Variants in EVC2 observed in about 807,000 individuals in gnomAD.
EVC2 encodes the protein EvC ciliary complex subunit 2.
EVC2 carries 148 observed loss-of-function variants against 149.3 expected under a neutral mutation model. The observed-to-expected ratio is 0.99, with a 90% CI of 0.87 to 1.14. The LOEUF is 1.14. EVC2 is among the 50% of genes most tolerant of loss of function. The pLI is 0.00. For synonymous variants in EVC2, 776 were observed against 649.9 expected (o/e 1.19, Z -2.95); for missense variants, 1,854 against 1,627.3 (o/e 1.14, Z -2.40).
intron 9 of EVC2, among the ~76,000 whole-genome samples, chr4:5,647,786 T>G (rs879942504): frequency 2.0e-5 from 3 of 152,224 alleles, no homozygotes; most frequent in Admixed American, 6.5e-5. Flanking sequence ...AAAGGGGAAT[T>G]AAGGCTACTC....
intron 16 of EVC2, among the ~76,000 whole-genome samples, chr4:5,612,922 CAAAAAAAAAA>C (rs34505528): frequency 3.0e-4 from 8 of 26,798 alleles, no homozygotes; most frequent in African/African-American, 9.7e-4. Flanking sequence ...ACTCTGTCTC[CAAAAAAAAAA>C]AAAAAAAAAA....
Position 5,633,941 on chromosome 4 carries a change from C to G in EVC2, c.1471-1909G>C, listed in dbSNP as rs377634291. Among the ~76,000 whole-genome samples, 1 of 152,212 alleles carries G rather than the reference C, an allele frequency of 6.6e-6. No homozygotes were observed. The highest frequency in any genetic ancestry group is 6.5e-5 in the Admixed American group (1 of 15,278). ...TTCTCCGTCTCTCCAGTCCCTTTTA[C>G]TTATTGTTTGATTTGTTCAGAATCT... On this transcript the variant is annotated intron_variant, in intron 10 of 21. Transcript: ENST00000344408. This position sits in a 1 kb window ranked among gnomAD's most constrained non-coding sequence, Gnocchi z 4.4.
chr4:5,708,435 C>G lies in EVC2; in HGVS notation c.79G>C (p.Gly27Arg), dbSNP rs1238555308. Residue 27 changes from glycine (G) to arginine (R), a missense_variant, in exon 1 of 22, where the codon GGC becomes CGC. By Grantham distance (125) the Gly-to-Arg change is moderately radical (BLOSUM62 -2). Coordinates refer to ENST00000344408, the MANE Select transcript of EVC2 (RefSeq NM_147127.5). ...GLLAVALALG[G>R]RGCLGASSRP... ...GAGCTGGCGCCGAGACAGCCTCGGC[C>G]CCCCAGCGCCAGGGCCACTGCCAGG... 5 of 1,504,470 alleles carry G rather than the reference C, an allele frequency of 3.3e-6. No individual in the cohort carries two copies. Among genetic ancestry groups the G allele is most frequent in the Non-Finnish European group, 4.4e-6 (5 of 1,134,224 alleles). The allele number at this position is 1,504,470 out of a possible 1,614,324, so 93.2% of individuals were successfully genotyped here.
At chr4:5,707,811 T>G (rs1275380783) in intron 1 of EVC2, among the ~76,000 whole-genome samples, 1 of 152,030 alleles carries the variant, frequency 6.6e-6, no homozygotes, top group East Asian at 1.9e-4. Flanking sequence ...GCTAAATCCA[T>G]CAGCCAGGAG....
At chr4:5,659,010 C>A (rs1718712252) in intron 9 of EVC2, among the ~76,000 whole-genome samples, 1 of 152,128 alleles carries the variant, frequency 6.6e-6, no homozygotes, top group Admixed American at 6.5e-5. Context: ...TGATAAAAAT[C>A]AAAGGAAATA....
intron 12 of EVC2, among the ~76,000 whole-genome samples, chr4:5,627,330 A>G (rs1045285435): frequency 6.6e-6 from 1 of 152,260 alleles, no homozygotes; most frequent in African/African-American, 2.4e-5. Context: ...ACTGCTCACA[A>G]CCAGCTGGTG....
Position 5,618,684 on chromosome 4 carries a change from T to C in EVC2, c.2502-2A>G. 2 of 1,588,686 alleles carry C rather than the reference T, an allele frequency of 1.3e-6. No homozygotes were observed. Among genetic ancestry groups the C allele is most frequent in the South Asian group, 1.1e-5 (1 of 87,356 alleles). ...GAGAAGACTGAGGAGCAGAGCTTCCTGGGAGGAAGAACAGAGACACACTCT... is the reference window on the plus strand; with the variant it reads ...GAGAAGACTGAGGAGCAGAGCTTCCCGGGAGGAAGAACAGAGACACACTCT... On this transcript the variant is annotated splice_acceptor_variant, in intron 14 of 21. Transcript: ENST00000344408. LOFTEE classifies it high-confidence loss of function. The surrounding 1 kb of genome is among the most constrained non-coding windows in gnomAD (Gnocchi z 4.4).
Position 5,625,304 on chromosome 4 carries a change from CCATA to C in EVC2, c.2046+441_2046+444del, listed in dbSNP as rs1304331131. ...CCACTTACTAGATATTTGACCTTGA[CCATA>C]CACACACACACACACACACACACAC... On this transcript the variant is annotated intron_variant, in intron 13 of 21. Coordinates refer to ENST00000344408, the MANE Select transcript of EVC2 (RefSeq NM_147127.5). The surrounding 1 kb of genome is among the most constrained non-coding windows in gnomAD (Gnocchi z 4.0). 2.4e-5 allele frequency among the ~76,000 whole-genome samples: 3 copies of C among 125,512 alleles called. No homozygotes were observed. Among genetic ancestry groups the C allele is most frequent in the Admixed American group, 8.3e-5 (1 of 12,014 alleles). 82.3% of individuals were successfully genotyped at this position (125,512 alleles called of 152,430 possible).
rs553982158 is a variant in EVC2, at chr4:5,671,615, G to A, written c.871-5966C>T. Among the ~76,000 whole-genome samples, 112 of 152,262 alleles carry A rather than the reference G, an allele frequency of 7.4e-4. 1 individual carries two copies. The highest frequency in any genetic ancestry group is 7.3e-3 in the East Asian group (38 of 5,180). ...CAACCTCCACCTCCTGGGTTCAAGC[G>A]ATTCTCCTGCCTCAGCCTTCCAAGT... On this transcript the variant is annotated intron_variant, in intron 7 of 21. Coordinates refer to ENST00000344408, the MANE Select transcript of EVC2 (RefSeq NM_147127.5).
intron 20 of EVC2, 148 bp from the exon 21 acceptor site, chr4:5,565,507 C>G: frequency 3.0e-6 from 2 of 672,978 alleles, no homozygotes; most frequent in South Asian, 3.0e-5. Context: ...CCAGTCTCTA[C>G]TAAAAAATAC....
At chr4:5,566,556 C>T (rs1423853206) in intron 20 of EVC2, among the ~76,000 whole-genome samples, 1 of 152,184 alleles carries the variant, frequency 6.6e-6, no homozygotes, top group East Asian at 1.9e-4. Context: ...AGACTCATAA[C>T]TGATGTAATG....
At chr4:5,553,571 G>A (rs1721780112) in intron 21 of EVC2, among the ~76,000 whole-genome samples, 1 of 152,164 alleles carries the variant, frequency 6.6e-6, no homozygotes, top group Non-Finnish European at 1.5e-5. Flanking sequence ...GGAACATGAA[G>A]TTTTGGGGCA....
chr4:5,583,387 C>T (rs528694118), intron 17 of EVC2, among the ~76,000 whole-genome samples: 2 of 152,256 alleles, frequency 1.3e-5, no homozygotes, highest in African/African-American at 4.8e-5. Flanking sequence ...GGAATATTGC[C>T]TATTTTTCTA....
chr4:5,616,534 A>T (rs1245819477), intron 15 of EVC2, among the ~76,000 whole-genome samples: 1 of 152,184 alleles, frequency 6.6e-6, no homozygotes, highest in Non-Finnish European at 1.5e-5. Flanking sequence ...CGGCCAAGAG[A>T]TGGGGAATGC....
At chr4:5,561,620 T>C (rs1721962988), downstream of EVC2, among the ~76,000 whole-genome samples, 1 of 152,168 alleles carries the variant, frequency 6.6e-6, no homozygotes, top group Non-Finnish European at 1.5e-5. Context: ...TGGTTGCCCA[T>C]GGAAAAGGGA....
At chr4:5,702,450 T>C (rs541559850) in intron 1 of EVC2, among the ~76,000 whole-genome samples, 3 of 152,180 alleles carry the variant, frequency 2.0e-5, no homozygotes, top group African/African-American at 2.4e-5. Flanking sequence ...TCAATAGACA[T>C]TGCGAAAGAA....
chr4:5,576,426 T>C lies in EVC2; in HGVS notation c.3086A>G (p.Glu1029Gly), dbSNP rs779632519. 114 of 1,607,856 alleles carry C rather than the reference T, an allele frequency of 7.1e-5. No homozygotes were observed. The highest frequency in any genetic ancestry group is 8.8e-5 in the Non-Finnish European group (103 of 1,177,028). ...RELQELERKLEDQLVQQEAAQ... is the reference protein window; with the variant it reads ...RELQELERKLGDQLVQQEAAQ... ...TGCCTCCTGCTGCACCAGCTGGTCCTCCAGCTTCCTCTCCAACTCCTGGAG... is the reference window on the plus strand; with the variant it reads ...TGCCTCCTGCTGCACCAGCTGGTCCCCCAGCTTCCTCTCCAACTCCTGGAG... Residue 1029 changes from glutamate (E) to glycine (G), a missense_variant, in exon 18 of 22, where the codon GAG becomes GGG. Coordinates refer to ENST00000344408, the MANE Select transcript of EVC2 (RefSeq NM_147127.5). This position sits in a 1 kb window ranked among gnomAD's most constrained non-coding sequence, Gnocchi z 4.5.
At chr4:5,592,010 C>A (rs1402610855) in intron 16 of EVC2, among the ~76,000 whole-genome samples, 3 of 152,186 alleles carry the variant, frequency 2.0e-5, no homozygotes, top group Non-Finnish European at 4.4e-5. Flanking sequence ...CTACCTGTGT[C>A]AACCAGCAGA....
intron 14 of EVC2, among the ~76,000 whole-genome samples, chr4:5,619,513 T>G (rs1293447380): frequency 6.6e-6 from 1 of 152,174 alleles, no homozygotes. Context: ...CCCTGGTGCC[T>G]TCAGAGGGAG....
Sources: gnomAD v4.1 joint callset for allele counts (sites outside exome capture counted in the v4.1 genomes callset) on GRCh38, gnomAD v4.1.1 for gene constraint, Gnocchi (gnomAD v3.1) non-coding constraint, MANE v1.5 for transcripts, NCBI Gene and HGNC (gene_info 2026-07-23, HGNC 2026-07-21) for gene names.